Variants in ANXA1 observed in about 807,000 individuals in gnomAD.
The protein encoded by ANXA1 is annexin A1, also known as annexin I (lipocortin I).
ANXA1 carries 39 observed loss-of-function variants against 47.9 expected under a neutral mutation model. That is an observed-to-expected ratio of 0.81 (90% CI 0.63 to 1.06). The LOEUF (loss-of-function observed/expected upper bound fraction) is 1.06, where lower values mean the gene tolerates loss of function less well. Ranked by LOEUF, ANXA1 falls within the 50% of genes least tolerant of loss-of-function variation. ANXA1 has a pLI of 0.00. For missense variants in ANXA1, 446 were observed against 422.7 expected (o/e 1.06, Z -0.48); for synonymous variants, 146 against 142.5 (o/e 1.02, Z -0.17).
chr9:73,167,285 A>G (rs989193244), intron 10 of ANXA1, among the ~76,000 whole-genome samples: 2 of 152,122 alleles, frequency 1.3e-5, no homozygotes, highest in African/African-American at 4.8e-5. Flanking sequence ...AAAAAAATTG[A>G]TCGTCAGGGA....
intron 5 of ANXA1, 29 bp from the exon 6 acceptor site, chr9:73,160,774 A>G (rs1266370567): frequency 7.1e-6 from 11 of 1,557,720 alleles, no homozygotes; most frequent in Non-Finnish European, 8.8e-6. Flanking sequence ...TTTTTTCTAC[A>G]TTTATCCTTT....
intron 11 of ANXA1, 98 bp downstream of exon 11, chr9:73,167,653 C>T: frequency 9.2e-7 from 1 of 1,089,316 alleles, no homozygotes; most frequent in Non-Finnish European, 1.4e-6. Flanking sequence ...CATTTAATAT[C>T]TTCCCATTAA....
intron 8 of ANXA1, among the ~76,000 whole-genome samples, chr9:73,163,823 T>C (rs970620172): frequency 2.4e-4 from 37 of 152,194 alleles, no homozygotes; most frequent in Admixed American, 9.2e-4. Flanking sequence ...CTCTGACCTT[T>C]CGTTGTACTA....
At chr9:73,167,023 G>T (rs1334791694) in intron 10 of ANXA1, among the ~76,000 whole-genome samples, 1 of 152,036 alleles carries the variant, frequency 6.6e-6, no homozygotes, top group Non-Finnish European at 1.5e-5. Flanking sequence ...TGTTCCATGG[G>T]TGTTCTGCAC....
At chr9:73,164,557 T>A (rs1213880695) in intron 8 of ANXA1, among the ~76,000 whole-genome samples, 1 of 152,116 alleles carries the variant, frequency 6.6e-6, no homozygotes, top group South Asian at 2.1e-4. Context: ...GTAGTCAACA[T>A]TTCAAAGTTA....
intron 11 of ANXA1, 121 bp from the exon 12 acceptor site, chr9:73,168,911 G>GTGTGTGTGTGTGTGTA: frequency 5.3e-6 from 4 of 754,062 alleles, no homozygotes; most frequent in Non-Finnish European, 6.4e-6. Context: ...GTGTGTGTGT[G>GTGTGTGTGTGTGTGTA]TATAGCTAGT....
chr9:73,169,236 G>C, intron 12 of ANXA1, 82 bp downstream of exon 12: 2 of 1,408,950 alleles, frequency 1.4e-6, no homozygotes, highest in Middle Eastern at 1.9e-4. Flanking sequence ...TTGACTTATT[G>C]TATCTATAAA....
chr9:73,166,496 A>G (rs1440953519), intron 10 of ANXA1, among the ~76,000 whole-genome samples: 1 of 152,158 alleles, frequency 6.6e-6, no homozygotes, highest in Non-Finnish European at 1.5e-5. Context: ...ATGGTCACTG[A>G]GAGCATGGGA....
chr9:73,170,358 C>T lies in ANXA1; in HGVS notation c.*251C>T. 1 of 311,392 alleles carries T rather than the reference C, an allele frequency of 3.2e-6. No homozygotes were observed. The highest frequency in any genetic ancestry group is 4.8e-5 in the Admixed American group (1 of 20,692). The allele number at this position is 311,392 out of a possible 1,614,324, so 19.3% of individuals were successfully genotyped here. ...TAGTAACAATACATGAGAAAGATGTCTATGTAGCTGAAAATAAAATGACGT... is the reference window on the plus strand; with the variant it reads ...TAGTAACAATACATGAGAAAGATGTTTATGTAGCTGAAAATAAAATGACGT... On this transcript the variant is annotated 3_prime_UTR_variant, in exon 13 of 13. Coordinates refer to ENST00000257497, the MANE Select transcript of ANXA1 (RefSeq NM_000700.3).
At chr9:73,157,168 T>A (rs1824060681) in intron 1 of ANXA1, among the ~76,000 whole-genome samples, 1 of 152,174 alleles carries the variant, frequency 6.6e-6, no homozygotes, top group Non-Finnish European at 1.5e-5. Context: ...TATGTAGGAC[T>A]ACTATTTAGA....
intron 10 of ANXA1, 40 bp downstream of exon 10, chr9:73,166,232 A>G (rs1167042322): frequency 6.9e-7 from 1 of 1,456,462 alleles, no homozygotes; most frequent in East Asian, 2.3e-5. Context: ...CTAACTAGAA[A>G]TTGTATTTTC....
At position 73,170,272 on chromosome 9, in the gene ANXA1, G is replaced by A; in HGVS notation, c.*165G>A. On this transcript the variant is annotated 3_prime_UTR_variant, in exon 13 of 13. Coordinates refer to ENST00000257497, the MANE Select transcript of ANXA1 (RefSeq NM_000700.3). Reference sequence around the variant, plus strand: ...TTTTATATTATAACTCTGTATAATAGAGATAAGTCCATTTTTTAAAAATGT... The same window carrying A: ...TTTTATATTATAACTCTGTATAATAAAGATAAGTCCATTTTTTAAAAATGT... 1 of 453,128 alleles carries A rather than the reference G, an allele frequency of 2.2e-6. No individual in the cohort carries two copies. The highest frequency in any genetic ancestry group is 3.8e-6 in the Non-Finnish European group (1 of 264,186). 28.1% of individuals were successfully genotyped at this position (453,128 alleles called of 1,614,324 possible).
At chr9:73,165,768 G>T (rs780055834) in intron 9 of ANXA1, among the ~76,000 whole-genome samples, 11 of 152,052 alleles carry the variant, frequency 7.2e-5, no homozygotes, top group African/African-American at 2.7e-4. Flanking sequence ...TTAGTGCACA[G>T]GTCTTTATAT....
chr9:73,152,724 G>A (rs1176318178), intron 1 of ANXA1, among the ~76,000 whole-genome samples: 1 of 152,116 alleles, frequency 6.6e-6, no homozygotes, highest in Non-Finnish European at 1.5e-5. Context: ...TGAGCTAATG[G>A]CCATAAAACT....
chr9:73,158,922 T>C, intron 3 of ANXA1, 119 bp downstream of exon 3: 1 of 854,734 alleles, frequency 1.2e-6, no homozygotes, highest in Non-Finnish European at 1.8e-6. Flanking sequence ...GATAAAAACA[T>C]TTCTTTGCCA....
At chr9:73,160,479 C>T (rs1454258841) in intron 5 of ANXA1, 103 bp downstream of exon 5, 2 of 717,720 alleles carry the variant, frequency 2.8e-6, no homozygotes, top group Non-Finnish European at 4.5e-6. Flanking sequence ...ACCTGTCAAT[C>T]AGTGGGAGTT....
At position 73,165,120 on chromosome 9, in the gene ANXA1, T is replaced by C. The variant is rs1300329304; in HGVS notation, c.617T>C (p.Leu206Ser). Residue 206 changes from leucine (L) to serine (S), a missense_variant, in exon 9 of 13, where the codon TTG becomes TCG. By Grantham distance (145) the Leu-to-Ser change is moderately radical (BLOSUM62 -2). Coordinates refer to ENST00000257497, the MANE Select transcript of ANXA1 (RefSeq NM_000700.3). ...TACTTTTGTGTTTCTTGACAGGCCT[T>C]GTATGAAGCAGGAGAAAGGAGAAAG... ...EDLADSDARALYEAGERRKGT... is the reference protein window; with the variant it reads ...EDLADSDARASYEAGERRKGT... 47 of 1,612,048 alleles carry C rather than the reference T, an allele frequency of 2.9e-5. No individual in the cohort carries two copies. Among genetic ancestry groups the C allele is most frequent in the Non-Finnish European group, 4.0e-5 (47 of 1,178,676 alleles).
Position 73,160,338 on chromosome 9 carries a change from G to C in ANXA1, c.346G>C (p.Ala116Pro), listed in dbSNP as rs762166531. 3.8e-6 allele frequency: 6 copies of C among 1,586,782 alleles called. No homozygotes were observed. In the East Asian group the frequency reaches 1.2e-4, roughly 31 times the overall value. Residue 116 changes from alanine to proline, a missense_variant, in exon 5 of 13, where the codon GCG becomes CCG. Ala to Pro is a conservative substitution (Grantham distance 27, BLOSUM62 -1). Coordinates refer to ENST00000257497, the MANE Select transcript of ANXA1 (RefSeq NM_000700.3). ...EVVLALLKTP[A>P]QFDADELRAA... Reference sequence around the variant, plus strand: ...TGTTTTAGCTCTGCTAAAAACTCCAGCGCAATTTGATGCTGATGAACTTCG... The same window carrying C: ...TGTTTTAGCTCTGCTAAAAACTCCACCGCAATTTGATGCTGATGAACTTCG...
chr9:73,155,713 A>C (rs1824035926), intron 1 of ANXA1, among the ~76,000 whole-genome samples: 1 of 152,184 alleles, frequency 6.6e-6, no homozygotes, highest in East Asian at 1.9e-4. Flanking sequence ...GATTTCTTGA[A>C]GAAAATTCTC....
Sources: allele counts gnomAD v4.1 joint callset (sites outside exome capture counted in the v4.1 genomes callset), GRCh38; gene constraint gnomAD v4.1.1; transcripts MANE v1.5; gene names NCBI Gene and HGNC (gene_info 2026-07-23, HGNC 2026-07-21).